The following TBC1D10B variants were observed in gnomAD, a reference collection of about 807,000 sequenced individuals.
TBC1D10B encodes Rab27A-GAPbeta.
TBC1D10B carries 25 observed loss-of-function variants against 78.4 expected under a neutral mutation model. That is an observed-to-expected ratio of 0.32 (90% CI 0.23 to 0.45). The LOEUF (loss-of-function observed/expected upper bound fraction) is 0.45. TBC1D10B is among the 20% of genes least tolerant of loss of function. TBC1D10B has a pLI of 1.00. For synonymous variants in TBC1D10B, 517 were observed against 478.0 expected (o/e 1.08, Z -1.06); for missense variants, 996 against 1,104.8 (o/e 0.90, Z 1.40).
chr16:30,370,467 C>T lies in TBC1D10B; in HGVS notation c.-284G>A, dbSNP rs2049682437. ...GCCGACCTCGCGCCTGCGCACACGCCGCAGAGCCGGCTCCGCGCCAGCGTC... is the reference window on the plus strand; with the variant it reads ...GCCGACCTCGCGCCTGCGCACACGCTGCAGAGCCGGCTCCGCGCCAGCGTC... On this transcript the variant is annotated 5_prime_UTR_variant, in exon 1 of 9. Transcript: ENST00000409939. 6.6e-6 allele frequency among the ~76,000 whole-genome samples: 1 copy of T among 152,096 alleles called. No homozygotes were observed. Among genetic ancestry groups the T allele is most frequent in the African/African-American group, 2.4e-5 (1 of 41,438 alleles).
At position 30,359,286 on chromosome 16, in the gene TBC1D10B, G is replaced by T; in HGVS notation, c.1528C>A (p.Arg510=). The change falls in exon 7 of 9, where the codon CGG becomes AGG. Residue 510 remains arginine, a synonymous_variant. Coordinates refer to ENST00000409939, the MANE Select transcript of TBC1D10B (RefSeq NM_015527.4). ...AGCACAGGGTCAATGCGCTGCCGCCGCAGGTGGCGATGCGCCAGCGGGGAG... is the reference window on the plus strand; with the variant it reads ...AGCACAGGGTCAATGCGCTGCCGCCTCAGGTGGCGATGCGCCAGCGGGGAG... ...RASPLAHRHL[R]RQRIDPVLYM... 6 of 1,607,120 alleles carry T rather than the reference G, an allele frequency of 3.7e-6. No homozygotes were observed. Among genetic ancestry groups the T allele is most frequent in the Non-Finnish European group, 5.1e-6 (6 of 1,176,884 alleles).
Position 30,369,616 on chromosome 16 carries a change from C to T in TBC1D10B, c.568G>A (p.Gly190Arg). 2 of 1,525,452 alleles carry T rather than the reference C, an allele frequency of 1.3e-6. No homozygotes were observed. The highest frequency in any genetic ancestry group is 1.4e-5 in the African/African-American group (1 of 72,036). The allele number at this position is 1,525,452 out of a possible 1,614,324, so 94.5% of individuals were successfully genotyped here. A position where few individuals can be genotyped will look rare whatever the true frequency, so the allele number is the denominator to read the frequency against. The change falls in exon 1 of 9, where the codon GGA (glycine) becomes AGA (arginine). Residue 190 changes from glycine to arginine, a missense_variant. Transcript: ENST00000409939. This position sits in a 1 kb window ranked among gnomAD's most constrained non-coding sequence, Gnocchi z 4.3. ...ASGVTARSAS[G>R]QVTGGHGAAA... ...GCTCCATGCCCACCTGTCACTTGTC[C>T]TGATGCACTCCGTGCAGTCACTCCT...
Position 30,369,858 on chromosome 16 carries a change from G to A in TBC1D10B, c.326C>T (p.Pro109Leu), listed in dbSNP as rs2049671625. Residue 109 changes from proline to leucine, a missense_variant, in exon 1 of 9, where the codon CCG becomes CTG. Pro to Leu is a moderately conservative substitution (Grantham distance 98, BLOSUM62 -3). Transcript: ENST00000409939. This position sits in a 1 kb window ranked among gnomAD's most constrained non-coding sequence, Gnocchi z 4.3. ...CACTGCCGCGGGCTCTGGGGATTCCGGGCCGGAGGGGAGCTGCGGCTTTGG... is the reference window on the plus strand; with the variant it reads ...CACTGCCGCGGGCTCTGGGGATTCCAGGCCGGAGGGGAGCTGCGGCTTTGG... ...EAPKPQLPSG[P>L]ESPEPAAVAG... 1.0e-5 allele frequency: 14 copies of A among 1,404,186 alleles called. No homozygotes were observed. Among genetic ancestry groups the A allele is most frequent in the Non-Finnish European group, 1.3e-5 (14 of 1,082,216 alleles). 87.0% of individuals were successfully genotyped at this position (1,404,186 alleles called of 1,614,324 possible).
In TBC1D10B at chr16:30,369,438, G is replaced by T. The variant is rs774090462; in HGVS notation, c.746C>A (p.Thr249Lys). 26 of 1,557,944 alleles carry T rather than the reference G, an allele frequency of 1.7e-5. No homozygotes were observed. Among genetic ancestry groups the T allele is most frequent in the Non-Finnish European group, 2.2e-5 (25 of 1,150,774 alleles). Residue 249 changes from threonine (T) to lysine (K), a missense_variant, in exon 1 of 9, where the codon ACG (threonine) becomes AAG (lysine). Physicochemically the swap from Thr to Lys is moderately conservative, Grantham distance 78. Around this residue, in one of 5 missense-constraint regions of TBC1D10B, gnomAD observed 448 missense variants for 442.1 expected, o/e 1.01. Transcript: ENST00000409939. The surrounding 1 kb of genome is among the most constrained non-coding windows in gnomAD (Gnocchi z 4.3). ...PAENSQDLGSTSSLGPGISGP... is the reference protein window; with the variant it reads ...PAENSQDLGSKSSLGPGISGP... ...AGAGATGCCAGGTCCCAGGCTGGAC[G>T]TGGAGCCCAGGTCTTGAGAGTTTTC...
Position 30,369,130 on chromosome 16 carries a change from G to C in TBC1D10B, c.956+98C>G. 7.8e-7 allele frequency: 1 copy of C among 1,278,384 alleles called. No individual in the cohort carries two copies. The highest frequency in any genetic ancestry group is 1.6e-5 in the South Asian group (1 of 64,414). 79.2% of individuals were successfully genotyped at this position (1,278,384 alleles called of 1,614,324 possible). A position where few individuals can be genotyped will look rare whatever the true frequency, so the allele number is the denominator to read the frequency against. ...CCCCGTGGATCCTCAGAGGAGGCTG[G>C]GCTGCCAGAGTCTGGGCAAAGTGTA... On this transcript the variant is annotated intron_variant, in intron 1 of 8. Coordinates refer to ENST00000409939, the MANE Select transcript of TBC1D10B (RefSeq NM_015527.4). This position sits in a 1 kb window ranked among gnomAD's most constrained non-coding sequence, Gnocchi z 4.3.
rs1335906836 is a variant in TBC1D10B, at chr16:30,370,484, G to C, written c.-301C>G. Reference sequence around the variant, plus strand: ...GCACACGCCGCAGAGCCGGCTCCGCGCCAGCGTCTCGGCGTTCCACGCCTG... The same window carrying C: ...GCACACGCCGCAGAGCCGGCTCCGCCCCAGCGTCTCGGCGTTCCACGCCTG... On this transcript the variant is annotated 5_prime_UTR_variant, in exon 1 of 9. Transcript: ENST00000409939. Among the ~76,000 whole-genome samples the C allele has an allele frequency of 2.0e-5, 3 of 152,112 alleles. No homozygotes were observed. Among genetic ancestry groups the C allele is most frequent in the Non-Finnish European group, 2.9e-5 (2 of 67,980 alleles).
intron 4 of TBC1D10B, among the ~76,000 whole-genome samples, chr16:30,360,743 C>T (rs1158444427): frequency 6.6e-6 from 1 of 152,138 alleles, no homozygotes; most frequent in Admixed American, 6.5e-5. Context: ...AAATATGTAA[C>T]TTCCACAAGC....
Position 30,369,594 on chromosome 16 carries a change from C to G in TBC1D10B, c.590G>C (p.Gly197Ala). The change falls in exon 1 of 9, where the codon GGA (glycine) becomes GCA (alanine). Residue 197 changes from glycine (G) to alanine (A), a missense_variant. Gly to Ala is a moderately conservative substitution (Grantham distance 60, BLOSUM62 0). This residue lies in a region of TBC1D10B where 448 missense variants were observed against 442.1 expected (regional missense o/e 1.01). Coordinates refer to ENST00000409939, the MANE Select transcript of TBC1D10B (RefSeq NM_015527.4). This position sits in a 1 kb window ranked among gnomAD's most constrained non-coding sequence, Gnocchi z 4.3. Reference sequence around the variant, plus strand: ...TGATGCTGATGTTGCTGCGGCAGCTCCATGCCCACCTGTCACTTGTCCTGA... The same window carrying G: ...TGATGCTGATGTTGCTGCGGCAGCTGCATGCCCACCTGTCACTTGTCCTGA... Reference protein sequence around the residue: ...SASGQVTGGHGAAAATSASAG... With the variant: ...SASGQVTGGHAAAAATSASAG... The G allele has an allele frequency of 2.6e-6, 4 of 1,527,960 alleles. No individual in the cohort carries two copies. Among genetic ancestry groups the G allele is most frequent in the Non-Finnish European group, 3.5e-6 (4 of 1,133,956 alleles). The allele number at this position is 1,527,960 out of a possible 1,614,324, so 94.7% of individuals were successfully genotyped here.
At chr16:30,361,203 T>A (rs2049596573) in intron 4 of TBC1D10B, among the ~76,000 whole-genome samples, 1 of 152,024 alleles carries the variant, frequency 6.6e-6, no homozygotes, top group African/African-American at 2.4e-5. Context: ...GAGAATCACT[T>A]GAATCTGGGA....
chr16:30,368,462 G>A (rs1253925450), intron 1 of TBC1D10B, among the ~76,000 whole-genome samples: 1 of 152,182 alleles, frequency 6.6e-6, no homozygotes, highest in Non-Finnish European at 1.5e-5. Context: ...AGGAGATGCT[G>A]TAGGCTGACT....
chr16:30,365,594 T>C lies in TBC1D10B; in HGVS notation c.957A>G (p.Leu319=). The C allele has an allele frequency of 9.3e-6, 15 of 1,613,876 alleles. No homozygotes were observed. The highest frequency in any genetic ancestry group is 1.3e-5 in the Non-Finnish European group (15 of 1,179,856). Residue 319 remains leucine (L), a splice_region_variant and synonymous_variant, in exon 2 of 9, where the codon CTA becomes CTG. Transcript: ENST00000409939. This position sits in a 1 kb window ranked among gnomAD's most constrained non-coding sequence, Gnocchi z 5.0. ...CCACGTCCACGGGAATGGAGCTCTC[T>C]CTGCAGGGTCGGGGGAGCACGGAAG... The part of the protein sequence containing the change: ...FLGGSQYSGS[L]ESSIPVDVAR...
intron 4 of TBC1D10B, chr16:30,360,363 A>C (rs1158289851): frequency 6.3e-6 from 1 of 158,146 alleles, no homozygotes; most frequent in Non-Finnish European, 1.4e-5. Context: ...TGCCGTGTCC[A>C]GGACTTCTAT....
chr16:30,369,791 G>C lies in TBC1D10B; in HGVS notation c.393C>G (p.Asp131Glu), dbSNP rs1355938646. 7.0e-7 allele frequency: 1 copy of C among 1,432,442 alleles called. No individual in the cohort carries two copies. Among genetic ancestry groups the C allele is most frequent in the Non-Finnish European group, 9.2e-7 (1 of 1,091,202 alleles). The allele number at this position is 1,432,442 out of a possible 1,614,324, so 88.7% of individuals were successfully genotyped here. A position where few individuals can be genotyped will look rare whatever the true frequency, so the allele number is the denominator to read the frequency against. The part of the protein sequence containing the change: ...ETSRALAAGA[D>E]SPKTEEARPS... ...GTCGAGCCTCCTCTGTCTTCGGCGA[G>C]TCTGCCCCTGCGGCCAGAGCCCTCG... Residue 131 changes from aspartate to glutamate, a missense_variant, in exon 1 of 9, where the codon GAC becomes GAG. Around this residue, in one of 5 missense-constraint regions of TBC1D10B, gnomAD observed 448 missense variants for 442.1 expected, o/e 1.01. Coordinates refer to ENST00000409939, the MANE Select transcript of TBC1D10B (RefSeq NM_015527.4). This position sits in a 1 kb window ranked among gnomAD's most constrained non-coding sequence, Gnocchi z 4.3.
Position 30,358,347 on chromosome 16 carries a change from C to A in TBC1D10B, c.2024G>T (p.Gly675Val). The A allele has an allele frequency of 6.4e-7, 1 of 1,558,514 alleles. No homozygotes were observed. Residue 675 changes from glycine to valine, a missense_variant, in exon 9 of 9, where the codon GGG (glycine) becomes GTG (valine). Physicochemically the swap from Gly to Val is moderately radical, Grantham distance 109. Coordinates refer to ENST00000409939, the MANE Select transcript of TBC1D10B (RefSeq NM_015527.4). Reference protein sequence around the residue: ...LKSRGSRAAGGAPSPPPPVRR... With the variant: ...LKSRGSRAAGVAPSPPPPVRR... ...GACGGGGGGCGGCGGGGACGGGGCC[C>A]CTCCAGCTGCCCGGGAGCCTCGGCT...
At chr16:30,362,141 G>A (rs2049603391) in intron 4 of TBC1D10B, among the ~76,000 whole-genome samples, 1 of 151,052 alleles carries the variant, frequency 6.6e-6, no homozygotes, top group Non-Finnish European at 1.5e-5. Flanking sequence ...GGGCCACCAC[G>A]CCTGGCCTTT....
chr16:30,359,988 G>A (rs2049589186), intron 4 of TBC1D10B, 147 bp from the exon 5 acceptor site: 1 of 735,526 alleles, frequency 1.4e-6, no homozygotes, highest in Non-Finnish European at 2.2e-6. Flanking sequence ...TAAAGGCTCA[G>A]CCCACAGCAG....
chr16:30,362,905 C>T (rs760868530), intron 4 of TBC1D10B, among the ~76,000 whole-genome samples: 90 of 152,098 alleles, frequency 5.9e-4, no homozygotes, highest in African/African-American at 1.9e-3. Flanking sequence ...GGCATGGTGG[C>T]GGGTGCCTGT....
At chr16:30,363,842 G>A (rs371841710) in intron 4 of TBC1D10B, among the ~76,000 whole-genome samples, 139 of 152,252 alleles carry the variant, frequency 9.1e-4, no homozygotes, top group African/African-American at 3.2e-3. Flanking sequence ...CCGGCTGACC[G>A]TGTTGGCTCA....
rs984624210 is a variant in TBC1D10B, at chr16:30,369,989, C to A, written c.195G>T (p.Gly65=). 5 of 1,235,110 alleles carry A rather than the reference C, an allele frequency of 4.0e-6. No individual in the cohort carries two copies. Among genetic ancestry groups the A allele is most frequent in the Non-Finnish European group, 5.1e-6 (5 of 989,650 alleles). 76.5% of individuals were successfully genotyped at this position (1,235,110 alleles called of 1,614,324 possible). A position where few individuals can be genotyped will look rare whatever the true frequency, so the allele number is the denominator to read the frequency against. Residue 65 remains glycine (G), a synonymous_variant, in exon 1 of 9, where the codon GGG becomes GGT. Transcript: ENST00000409939. This position sits in a 1 kb window ranked among gnomAD's most constrained non-coding sequence, Gnocchi z 4.3. ...PGEARPAWVP[G]SAETSAPAPA... ...GGGCCGGAGCAGAGGTCTCGGCCGA[C>A]CCCGGGACCCAGGCGGGCCGCGCCT... is the stretch of plus-strand genomic sequence containing the variant.
Sources: gnomAD v4.1 joint callset for allele counts (sites outside exome capture counted in the v4.1 genomes callset) on GRCh38, gnomAD v4.1.1 for gene constraint, gnomAD v4.1.1 regional missense constraint, Gnocchi (gnomAD v3.1) non-coding constraint, MANE v1.5 for transcripts, NCBI Gene and HGNC (gene_info 2026-07-23, HGNC 2026-07-21) for gene names.